Variants in THSD7B observed in about 807,000 individuals in gnomAD.
The protein encoded by THSD7B is thrombospondin type-1 domain-containing protein 7B.
In THSD7B, 138 loss-of-function variants were observed where a neutral mutation model predicts 213.6. The ratio of observed to expected loss-of-function variants is 0.65; its 90% confidence interval spans 0.56 to 0.74. The LOEUF is 0.74. Among genes scored for constraint, THSD7B ranks in the 30% least tolerant of loss-of-function variants. The pLI, the probability that THSD7B is intolerant of heterozygous loss-of-function variation, is 0.00. For missense variants in THSD7B, 1,931 were observed against 1,991.5 expected (o/e 0.97, Z 0.58); for synonymous variants, 742 against 687.0 (o/e 1.08, Z -1.25).
intron 2 of THSD7B, among the ~76,000 whole-genome samples, chr2:136,993,269 C>T (rs912272507): frequency 6.6e-6 from 1 of 152,210 alleles, no homozygotes; most frequent in Admixed American, 6.5e-5. Flanking sequence ...AGATATGACA[C>T]TTTCAGACAG....
At chr2:137,109,104 T>C (rs1688303139) in intron 4 of THSD7B, among the ~76,000 whole-genome samples, 1 of 152,214 alleles carries the variant, frequency 6.6e-6, no homozygotes, top group Non-Finnish European at 1.5e-5. Flanking sequence ...ACATTCACTA[T>C]GACTGCTGCA....
chr2:136,990,967 A>T (rs774276086), intron 2 of THSD7B: 1 of 1,323,820 alleles, frequency 7.6e-7, no homozygotes, highest in Admixed American at 2.2e-5. Context: ...TGTGGGAAAG[A>T]CATCAAAACT....
chr2:137,099,359 A>G (rs989570726), intron 4 of THSD7B, among the ~76,000 whole-genome samples: 3 of 152,172 alleles, frequency 2.0e-5, no homozygotes, highest in African/African-American at 7.2e-5. Context: ...GCATTCTAAC[A>G]CTGCAGGATA....
intron 2 of THSD7B, among the ~76,000 whole-genome samples, chr2:136,882,871 T>C (rs1010884321): frequency 1.3e-5 from 2 of 152,194 alleles, no homozygotes; most frequent in Non-Finnish European, 2.9e-5. Flanking sequence ...ATATGAATAA[T>C]TTGAGTTGAA....
intron 7 of THSD7B, among the ~76,000 whole-genome samples, chr2:137,188,371 T>C (rs1339169189): frequency 6.6e-6 from 1 of 152,208 alleles, no homozygotes. Flanking sequence ...AGGTAGATAC[T>C]CTATCTGGAA....
intron 2 of THSD7B, among the ~76,000 whole-genome samples, chr2:136,960,675 C>T (rs964173655): frequency 2.6e-5 from 4 of 152,108 alleles, no homozygotes; most frequent in Admixed American, 6.5e-5. Flanking sequence ...AACAAGATTC[C>T]CTTCTCGAAT....
intron 4 of THSD7B, among the ~76,000 whole-genome samples, chr2:137,106,417 AC>A (rs1466592330): frequency 6.6e-6 from 1 of 152,230 alleles, no homozygotes; most frequent in African/African-American, 2.4e-5. Context: ...AAAGACTTAA[AC>A]ATAAGACCTA....
At chr2:137,284,329 G>A (rs1032115165) in intron 12 of THSD7B, among the ~76,000 whole-genome samples, 3 of 151,984 alleles carry the variant, frequency 2.0e-5, no homozygotes, top group Admixed American at 2.0e-4. Flanking sequence ...AATCAATTTT[G>A]TTGATCTTTT....
At position 137,115,275 on chromosome 2, in the gene THSD7B, G is replaced by A. The variant is rs747662713; in HGVS notation, c.1351G>A (p.Ala451Thr). 30 of 1,578,028 alleles carry A rather than the reference G, an allele frequency of 1.9e-5. No individual in the cohort carries two copies. In the East Asian group the frequency reaches 3.0e-4, roughly 16 times the overall value. The change falls in exon 5 of 28, where the codon GCA (alanine) becomes ACA (threonine). Residue 451 changes from alanine to threonine, a missense_variant. By Grantham distance (58) the Ala-to-Thr change is moderately conservative (BLOSUM62 0). Transcript: ENST00000409968. Reference protein sequence around the residue: ...YCAQSVPAAAALRAKEVSRPV... With the variant: ...YCAQSVPAAATLRAKEVSRPV... ...TGCCCAGAGCGTACCAGCAGCTGCC[G>A]CACTGAGGGCCAAGGAAGGTAGGCA...
chr2:137,431,881 C>T (rs537051687), intron 14 of THSD7B, among the ~76,000 whole-genome samples: 2 of 148,504 alleles, frequency 1.3e-5, no homozygotes, highest in South Asian at 2.2e-4. Context: ...ATGTTGACAA[C>T]GGGAACAGAT....
At chr2:137,176,334 A>T (rs115530227) in intron 7 of THSD7B, among the ~76,000 whole-genome samples, 1,889 of 152,308 alleles carry the variant, frequency 0.012, 34 homozygotes, top group African/African-American at 0.041. Flanking sequence ...AAAGGATAAT[A>T]GTAATCAGAT....
chr2:136,890,413 T>C (rs1424583805), intron 2 of THSD7B, among the ~76,000 whole-genome samples: 3 of 1,866 alleles, frequency 1.6e-3, no homozygotes, highest in African/African-American at 1.9e-3. Flanking sequence ...CTTCCTCTTC[T>C]TCTTCTTCTT....
intron 1 of THSD7B, among the ~76,000 whole-genome samples, chr2:136,812,984 C>T (rs1682407592): frequency 6.6e-6 from 1 of 152,102 alleles, no homozygotes. Context: ...ATGAGCAATA[C>T]CAGTTGACAT....
At chr2:137,373,528 C>T (rs1558774398) in intron 12 of THSD7B, among the ~76,000 whole-genome samples, 1 of 152,110 alleles carries the variant, frequency 6.6e-6, no homozygotes, top group Non-Finnish European at 1.5e-5. Flanking sequence ...GTCCTTCGCC[C>T]ACTTGTTGAT....
intron 12 of THSD7B, among the ~76,000 whole-genome samples, chr2:137,294,064 G>A (rs1683399239): frequency 6.6e-6 from 1 of 152,038 alleles, no homozygotes; most frequent in Non-Finnish European, 1.5e-5. Flanking sequence ...AGTCTTCACA[G>A]GGCTTTCAAT....
intron 3 of THSD7B, among the ~76,000 whole-genome samples, chr2:137,079,729 T>G (rs1687703289): frequency 6.6e-6 from 1 of 152,242 alleles, no homozygotes; most frequent in Non-Finnish European, 1.5e-5. Flanking sequence ...ATATGACAAT[T>G]ATCTTTGGCC....
rs1298977894 is a variant in THSD7B at position 137,647,441 on chromosome 2, C to G, written c.3945+4808C>G. ...TCTCTTTCTCTCTCTCTCTCTCTCTCCCCAACCCCCCCGCCCCCACTCTCT... is the reference window on the plus strand; with the variant it reads ...TCTCTTTCTCTCTCTCTCTCTCTCTGCCCAACCCCCCCGCCCCCACTCTCT... On this transcript the variant is annotated intron_variant, in intron 21 of 27. Coordinates refer to ENST00000409968, the MANE Select transcript of THSD7B (RefSeq NM_001316349.2). Among the ~76,000 whole-genome samples, 5 of 127,170 alleles carry G rather than the reference C, an allele frequency of 3.9e-5. No individual in the cohort carries two copies. In the Admixed American group the frequency reaches 4.1e-4, roughly 10 times the overall value. 83.4% of individuals were successfully genotyped at this position (127,170 alleles called of 152,430 possible).
rs1273982840 is a variant in THSD7B at position 137,370,130 on chromosome 2, C to T, written c.2501-35483C>T. 4.0e-5 allele frequency among the ~76,000 whole-genome samples: 6 copies of T among 151,502 alleles called. No individual in the cohort carries two copies. In the South Asian group the frequency reaches 6.3e-4, roughly 16 times the overall value. ...TTGGACAGGCTTTGCCTATAAAGAA[C>T]GCATATATGATATAGAATCCTGTAT... On this transcript the variant is annotated intron_variant, in intron 12 of 27. Coordinates refer to ENST00000409968, the MANE Select transcript of THSD7B (RefSeq NM_001316349.2).
At chr2:136,873,389 G>A (rs1683473992) in intron 1 of THSD7B, among the ~76,000 whole-genome samples, 1 of 152,202 alleles carries the variant, frequency 6.6e-6, no homozygotes, top group South Asian at 2.1e-4. Flanking sequence ...AGAGTGAGGT[G>A]CAGAGAGGAA....
Sources: allele counts gnomAD v4.1 joint callset (sites outside exome capture counted in the v4.1 genomes callset), GRCh38; gene constraint gnomAD v4.1.1; transcripts MANE v1.5; gene names NCBI Gene and HGNC (gene_info 2026-07-23, HGNC 2026-07-21).